Variants in PLK1 observed in about 807,000 individuals in gnomAD.
PLK1 encodes the protein serine/threonine-protein kinase PLK1.
In PLK1, 6 loss-of-function variants were observed where a neutral mutation model predicts 56.7. That is an observed-to-expected ratio of 0.11 (90% CI 0.06 to 0.21). PLK1 has a LOEUF of 0.21. PLK1 is among the 10% of genes least tolerant of loss of function. The pLI is 1.00. For synonymous variants in PLK1, 298 were observed against 325.0 expected (o/e 0.92, Z 0.89); for missense variants, 546 against 814.4 (o/e 0.67, Z 4.01).
chr16:23,685,402 C>T (rs1482982407), intron 5 of PLK1, among the ~76,000 whole-genome samples: 1 of 152,116 alleles, frequency 6.6e-6, no homozygotes, highest in African/African-American at 2.4e-5. Context: ...CCTTACCCTC[C>T]AGAGTAGCTA....
rs1567238304 is a variant in PLK1, at chr16:23,678,929, G to GA, written c.-3dup. The GA allele has an allele frequency of 6.6e-7, 1 of 1,520,888 alleles. No individual in the cohort carries two copies. 94.2% of individuals were successfully genotyped at this position (1,520,888 alleles called of 1,614,324 possible). ...ATCGAGGTCTGCAGCGCAGCTTCGG[G>GA]AGCATGAGTGCTGCAGTGACTGCAG... On this transcript the variant is annotated 5_prime_UTR_variant, in exon 1 of 10. Transcript: ENST00000300093.
At chr16:23,679,713 TG>T (rs111331656) in intron 1 of PLK1, 23 of 219,086 alleles carry the variant, frequency 1.0e-4, no homozygotes, top group South Asian at 3.3e-4. Context: ...GCTGGGTCAG[TG>T]GGGGGGTAGT....
intron 4 of PLK1, among the ~76,000 whole-genome samples, chr16:23,683,103 G>A (rs145442267): frequency 3.6e-5 from 5 of 139,852 alleles, no homozygotes; most frequent in South Asian, 2.4e-4. Flanking sequence ...GCATTCTCCC[G>A]CCTCAGCCTC....
chr16:23,681,098 AG>A, intron 3 of PLK1, 40 bp downstream of exon 3: 1 of 1,592,404 alleles, frequency 6.3e-7, no homozygotes, highest in Non-Finnish European at 8.6e-7. Context: ...TGGTCTCAGC[AG>A]GGGCAACTTT....
Position 23,688,615 on chromosome 16 carries a change from G to GAGGGGA in PLK1, c.1193-50_1193-45dup. On this transcript the variant is annotated intron_variant, in intron 6 of 9. Coordinates refer to ENST00000300093, the MANE Select transcript of PLK1 (RefSeq NM_005030.6). Reference sequence around the variant, plus strand: ...TGGTGTGGGCCACATGTGTGGAGCAGAGGGGAAGAGGCTGGTCCTGACCAA... The same window carrying GAGGGGA: ...TGGTGTGGGCCACATGTGTGGAGCAGAGGGGAAGGGGAAGAGGCTGGTCCTGACCAA... 3 of 1,360,696 alleles carry GAGGGGA rather than the reference G, an allele frequency of 2.2e-6. No individual in the cohort carries two copies. In the Admixed American group the frequency reaches 5.0e-5, roughly 23 times the overall value. The allele number at this position is 1,360,696 out of a possible 1,614,324, so 84.3% of individuals were successfully genotyped here.
chr16:23,679,879 G>A, intron 1 of PLK1: 3 of 551,328 alleles, frequency 5.4e-6, no homozygotes, highest in Non-Finnish European at 3.3e-6. Context: ...TGTGGACAGT[G>A]TTAAGGCAGG....
chr16:23,685,135 T>C (rs1173488559), intron 5 of PLK1, among the ~76,000 whole-genome samples: 2 of 151,862 alleles, frequency 1.3e-5, no homozygotes, highest in African/African-American at 4.8e-5. Flanking sequence ...GATGTACAAC[T>C]TCAGTTCATT....
At position 23,678,908 on chromosome 16, in the gene PLK1, A is replaced by G. The variant is rs1343198803; in HGVS notation, c.-25A>G. 4.7e-6 allele frequency: 7 copies of G among 1,475,054 alleles called. No homozygotes were observed. Among genetic ancestry groups the G allele is most frequent in the Non-Finnish European group, 6.3e-6 (7 of 1,111,362 alleles). 91.4% of individuals were successfully genotyped at this position (1,475,054 alleles called of 1,614,324 possible). On this transcript the variant is annotated 5_prime_UTR_variant, in exon 1 of 10. Coordinates refer to ENST00000300093, the MANE Select transcript of PLK1 (RefSeq NM_005030.6). ...CGGTGCGGAGGCTCTGCTCGGATCGAGGTCTGCAGCGCAGCTTCGGGAGCA... is the reference window on the plus strand; with the variant it reads ...CGGTGCGGAGGCTCTGCTCGGATCGGGGTCTGCAGCGCAGCTTCGGGAGCA...
chr16:23,688,260 A>G (rs1424151794), intron 6 of PLK1, among the ~76,000 whole-genome samples: 1 of 152,226 alleles, frequency 6.6e-6, no homozygotes, highest in Non-Finnish European at 1.5e-5. Flanking sequence ...GACTCTTACC[A>G]TGATAGAAGT....
At chr16:23,684,153 T>G (rs1959387655) in intron 5 of PLK1, 64 bp downstream of exon 5, 4 of 1,283,100 alleles carry the variant, frequency 3.1e-6, no homozygotes, top group Non-Finnish European at 4.5e-6. Flanking sequence ...TAGGGGTGTG[T>G]GCAGCTTAGT....
chr16:23,678,939 G>A lies in PLK1; in HGVS notation c.7G>A (p.Ala3Thr). ...GCAGCGCAGCTTCGGGAGCATGAGT[G>A]CTGCAGTGACTGCAGGGAAGCTGGC... MS[A>T]AVTAGKLARA... The change falls in exon 1 of 10, where the codon GCT (alanine) becomes ACT (threonine). Residue 3 changes from alanine to threonine, a missense_variant. Ala to Thr is a moderately conservative substitution (Grantham distance 58, BLOSUM62 0). Coordinates refer to ENST00000300093, the MANE Select transcript of PLK1 (RefSeq NM_005030.6). 6.4e-7 allele frequency: 1 copy of A among 1,551,038 alleles called. No individual in the cohort carries two copies. The highest frequency in any genetic ancestry group is 8.7e-7 in the Non-Finnish European group (1 of 1,148,048).
intron 4 of PLK1, among the ~76,000 whole-genome samples, chr16:23,683,368 G>A (rs1370678397): frequency 6.6e-6 from 1 of 152,188 alleles, no homozygotes; most frequent in African/African-American, 2.4e-5. Flanking sequence ...CTAGCACACA[G>A]CCAGTTTGAA....
Position 23,683,870 on chromosome 16 carries a change from C to T in PLK1, c.817C>T (p.His273Tyr). ...IKKNEYSIPK[H>Y]INPVAASLIQ... is the part of the protein sequence containing the mutation. ...ATGGCTGTCCCTCTCTCTGCCCCAG[C>T]ACATCAACCCCGTGGCCGCCTCCCT... The change falls in exon 5 of 10, where the codon CAC becomes TAC. Residue 273 changes from histidine (H) to tyrosine (Y), a missense_variant and splice_region_variant. By Grantham distance (83) the His-to-Tyr change is moderately conservative (BLOSUM62 2). Coordinates refer to ENST00000300093, the MANE Select transcript of PLK1 (RefSeq NM_005030.6). 1.9e-6 allele frequency: 3 copies of T among 1,612,782 alleles called. No individual in the cohort carries two copies. Among genetic ancestry groups the T allele is most frequent in the Non-Finnish European group, 2.5e-6 (3 of 1,178,792 alleles).
chr16:23,683,845 A>G, intron 4 of PLK1, 25 bp from the exon 5 acceptor site: 1 of 1,584,852 alleles, frequency 6.3e-7, no homozygotes, highest in Non-Finnish European at 8.7e-7. Flanking sequence ...CATTCTGCTT[A>G]TGGCTGTCCC....
At chr16:23,682,479 G>A (rs1959346915) in intron 4 of PLK1, among the ~76,000 whole-genome samples, 1 of 151,250 alleles carries the variant, frequency 6.6e-6, no homozygotes, top group Admixed American at 6.6e-5. Flanking sequence ...TAATTCAAAT[G>A]GATTCTGCCA....
intron 4 of PLK1, among the ~76,000 whole-genome samples, chr16:23,682,680 G>A (rs932497467): frequency 8.7e-5 from 13 of 149,804 alleles, no homozygotes; most frequent in African/African-American, 2.4e-4. Flanking sequence ...CCACCACCTC[G>A]CCTGGCTTTT....
chr16:23,687,687 A>G, intron 6 of PLK1, 63 bp downstream of exon 6: 2 of 1,295,236 alleles, frequency 1.5e-6, no homozygotes, highest in Non-Finnish European at 2.1e-6. Flanking sequence ...AGGCAGGAGG[A>G]GGCTTGGCCA....
intron 1 of PLK1, chr16:23,679,556 G>A (rs937340370): frequency 7.3e-6 from 4 of 551,366 alleles, no homozygotes; most frequent in African/African-American, 5.7e-5. Flanking sequence ...GTGAAGTGGA[G>A]TCTGAGTCAT....
Position 23,680,188 on chromosome 16 carries a change from A to T in PLK1, c.513A>T (p.Arg171=). The T allele has an allele frequency of 6.2e-7, 1 of 1,613,942 alleles. No homozygotes were observed. The highest frequency in any genetic ancestry group is 2.2e-5 in the East Asian group (1 of 44,856). ...GCTGCCAGTACCTGCACCGAAACCG[A>T]GTTATTCATCGAGACCTCAAGCTGG... The part of the protein sequence containing the change: ...VLGCQYLHRN[R]VIHRDLKLGN... The change falls in exon 2 of 10, where the codon CGA becomes CGT. Residue 171 remains arginine (R), a synonymous_variant. Transcript: ENST00000300093.
Sources: allele counts gnomAD v4.1 joint callset (sites outside exome capture counted in the v4.1 genomes callset), GRCh38; gene constraint gnomAD v4.1.1; transcripts MANE v1.5; gene names NCBI Gene and HGNC (gene_info 2026-07-23, HGNC 2026-07-21).